The following ZNF804B variants were observed in gnomAD, a reference collection of about 807,000 sequenced individuals.
The protein encoded by ZNF804B is zinc finger 804B.
In ZNF804B, 80 loss-of-function variants were observed where a neutral mutation model predicts 101.4. The ratio of observed to expected loss-of-function variants is 0.79; its 90% CI spans 0.66 to 0.95. The LOEUF (loss-of-function observed/expected upper bound fraction) is 0.95, where lower values mean the gene tolerates loss of function less well. Ranked by LOEUF, ZNF804B falls within the 40% of genes least tolerant of loss-of-function variation. ZNF804B has a pLI of 0.00. For synonymous variants in ZNF804B, 622 were observed against 558.8 expected (o/e 1.11, Z -1.59); for missense variants, 1,673 against 1,561.9 (o/e 1.07, Z -1.20).
At chr7:88,982,465 T>G (rs1793705832) in intron 1 of ZNF804B, among the ~76,000 whole-genome samples, 1 of 152,086 alleles carries the variant, frequency 6.6e-6, no homozygotes, top group Admixed American at 6.6e-5. Context: ...AAACTAGAAA[T>G]CCATGATTAG....
chr7:88,985,342 A>G (rs1793744445), intron 1 of ZNF804B, among the ~76,000 whole-genome samples: 1 of 152,090 alleles, frequency 6.6e-6, no homozygotes, highest in African/African-American at 2.4e-5. Flanking sequence ...CAGAATAAAA[A>G]TCAAATTTTG....
intron 1 of ZNF804B, among the ~76,000 whole-genome samples, chr7:89,206,944 C>CT (rs1167743607): frequency 6.6e-6 from 1 of 152,176 alleles, no homozygotes; most frequent in African/African-American, 2.4e-5. Flanking sequence ...TAAAACATAA[C>CT]AAGAGTCACC....
At chr7:89,049,238 CACTG>C (rs1306310039) in intron 1 of ZNF804B, among the ~76,000 whole-genome samples, 1 of 152,110 alleles carries the variant, frequency 6.6e-6, no homozygotes, top group Non-Finnish European at 1.5e-5. Context: ...ATGTGGGAGA[CACTG>C]ACTGATAAGA....
intron 1 of ZNF804B, among the ~76,000 whole-genome samples, chr7:88,938,749 C>G (rs1300220750): frequency 6.6e-6 from 1 of 151,914 alleles, no homozygotes; most frequent in African/African-American, 2.4e-5. Flanking sequence ...ATAACCAACT[C>G]AGAACAATAC....
At chr7:89,218,064 T>C in intron 1 of ZNF804B, 91 bp from the exon 2 acceptor site, 1 of 1,315,566 alleles carries the variant, frequency 7.6e-7, no homozygotes, top group Non-Finnish European at 1.0e-6. Context: ...CCGTCATATT[T>C]CTTTAAGTTA....
intron 1 of ZNF804B, among the ~76,000 whole-genome samples, chr7:89,103,704 A>G (rs993693696): frequency 6.6e-6 from 1 of 151,854 alleles, no homozygotes; most frequent in African/African-American, 2.4e-5. Flanking sequence ...CCTCTTTACA[A>G]TTTGGATTCC....
chr7:89,333,621 A>G lies in ZNF804B; in HGVS notation c.639A>G (p.Ala213=), dbSNP rs145219401. The G allele has an allele frequency of 1.2e-6, 2 of 1,613,518 alleles. No homozygotes were observed. Among genetic ancestry groups the G allele is most frequent in the African/African-American group, 2.7e-5 (2 of 74,888 alleles). The change falls in exon 4 of 4, where the codon GCA becomes GCG. Residue 213 remains alanine, a synonymous_variant. Transcript: ENST00000333190. ...AAACATCTTCAGATCTCAGCAATGC[A>G]AATCACAGAACAGGAGTATCATTTA... is the stretch of plus-strand genomic sequence containing the variant. The part of the protein sequence containing the change: ...VLQTSSDLSN[A]NHRTGVSFTF...
rs949400899 is a variant in ZNF804B, at chr7:88,854,402, T to C, written c.108+94318T>C. 7.4e-3 allele frequency among the ~76,000 whole-genome samples: 968 copies of C among 130,134 alleles called. 42 individuals carry two copies. The highest frequency in any genetic ancestry group is 0.028 in the African/African-American group (898 of 32,046). 85.4% of individuals were successfully genotyped at this position (130,134 alleles called of 152,430 possible). A position where few individuals can be genotyped will look rare whatever the true frequency, so the allele number is the denominator to read the frequency against. ...TCTGTACTGCATTTCTTTCTTTCTT[T>C]CTTTCTTTCTTCCTTTCTTTCTTTC... is the stretch of plus-strand genomic sequence containing the variant. On this transcript the variant is annotated intron_variant, in intron 1 of 3. Coordinates refer to ENST00000333190, the MANE Select transcript of ZNF804B (RefSeq NM_181646.5).
rs186855037 is a variant in ZNF804B at position 89,032,384 on chromosome 7, A to G, written c.109-185771A>G. Among the ~76,000 whole-genome samples, 224 of 152,198 alleles carry G rather than the reference A, an allele frequency of 1.5e-3. 1 individual carries two copies. Among genetic ancestry groups the G allele is most frequent in the African/African-American group, 5.0e-3 (209 of 41,564 alleles). On this transcript the variant is annotated intron_variant, in intron 1 of 3. Coordinates refer to ENST00000333190, the MANE Select transcript of ZNF804B (RefSeq NM_181646.5). ...AATAAATATTTAAATGTTTCTGGAA[A>G]AGATTCAACTAGATTTTAAAGTAAA...
intron 2 of ZNF804B, among the ~76,000 whole-genome samples, chr7:89,253,262 A>G (rs1484702010): frequency 6.6e-6 from 1 of 152,132 alleles, no homozygotes; most frequent in Non-Finnish European, 1.5e-5. Context: ...AGCATAAAAA[A>G]CTAAAATGTA....
At chr7:88,959,873 T>G (rs1329862410) in intron 1 of ZNF804B, among the ~76,000 whole-genome samples, 2 of 151,420 alleles carry the variant, frequency 1.3e-5, no homozygotes, top group Non-Finnish European at 3.0e-5. Context: ...CAGGTCATGC[T>G]CCTTCTATGG....
At chr7:89,212,345 TTTC>T (rs1788818680) in intron 1 of ZNF804B, among the ~76,000 whole-genome samples, 2 of 151,514 alleles carry the variant, frequency 1.3e-5, no homozygotes, top group South Asian at 2.1e-4. Context: ...GAAAAATAAT[TTTC>T]TTCTTCTCAA....
chr7:89,181,178 A>C (rs926101624), intron 1 of ZNF804B, among the ~76,000 whole-genome samples: 1 of 151,254 alleles, frequency 6.6e-6, no homozygotes, highest in Non-Finnish European at 1.5e-5. Flanking sequence ...TAACATAAGC[A>C]CTCCCTTGGC....
At chr7:89,261,516 T>C (rs978199745) in intron 2 of ZNF804B, among the ~76,000 whole-genome samples, 1 of 152,176 alleles carries the variant, frequency 6.6e-6, no homozygotes, top group Admixed American at 6.5e-5. Context: ...GGGTCAATAG[T>C]ACACATACAG....
At chr7:88,875,073 G>C (rs1326367260) in intron 1 of ZNF804B, among the ~76,000 whole-genome samples, 1 of 132,748 alleles carries the variant, frequency 7.5e-6, no homozygotes. Context: ...GGTACATAAC[G>C]AAATGAAGGC....
At position 89,336,108 on chromosome 7, in the gene ZNF804B, A is replaced by G. The variant is rs1229956848; in HGVS notation, c.3126A>G (p.Ile1042Met). 1 of 1,613,818 alleles carries G rather than the reference A, an allele frequency of 6.2e-7. No individual in the cohort carries two copies. The highest frequency in any genetic ancestry group is 1.3e-5 in the African/African-American group (1 of 74,902). ...HLVTESQSLNIKRDATTKEQS... is the reference protein window; with the variant it reads ...HLVTESQSLNMKRDATTKEQS... Reference sequence around the variant, plus strand: ...TAACAGAGTCTCAGTCACTAAACATAAAAAGGGATGCAACAACAAAAGAAC... The same window carrying G: ...TAACAGAGTCTCAGTCACTAAACATGAAAAGGGATGCAACAACAAAAGAAC... Residue 1042 changes from isoleucine to methionine, a missense_variant, in exon 4 of 4, where the codon ATA becomes ATG. Ile to Met is a conservative substitution (Grantham distance 10). Coordinates refer to ENST00000333190, the MANE Select transcript of ZNF804B (RefSeq NM_181646.5).
chr7:89,164,666 C>G (rs1791115064), intron 1 of ZNF804B, among the ~76,000 whole-genome samples: 1 of 152,152 alleles, frequency 6.6e-6, no homozygotes, highest in African/African-American at 2.4e-5. Context: ...TGTGTTTACT[C>G]AATACCAAAC....
At chr7:88,938,426 G>C (rs887930686) in intron 1 of ZNF804B, among the ~76,000 whole-genome samples, 1 of 151,884 alleles carries the variant, frequency 6.6e-6, no homozygotes, top group Non-Finnish European at 1.5e-5. Context: ...AACTTTGCGG[G>C]GCTATTTCAA....
intron 2 of ZNF804B, among the ~76,000 whole-genome samples, chr7:89,279,160 A>G (rs1488852418): frequency 6.6e-6 from 1 of 151,948 alleles, no homozygotes; most frequent in Admixed American, 6.6e-5. Flanking sequence ...TTTGTCTGTT[A>G]TTGGTGTATA....
Sources: gnomAD v4.1 joint callset for allele counts (sites outside exome capture counted in the v4.1 genomes callset) on GRCh38, gnomAD v4.1.1 for gene constraint, MANE v1.5 for transcripts, NCBI Gene and HGNC (gene_info 2026-07-23, HGNC 2026-07-21) for gene names.